The following PCTP variants were observed in gnomAD, a reference collection of about 807,000 sequenced individuals.
PCTP encodes START domain-containing protein 2.
In PCTP, 27 loss-of-function variants were observed where a neutral mutation model predicts 31.0. The ratio of observed to expected loss-of-function variants is 0.87; its 90% CI spans 0.64 to 1.20. The LOEUF (loss-of-function observed/expected upper bound fraction) is 1.20, where lower values mean the gene tolerates loss of function less well. PCTP is among the 50% of genes most tolerant of loss of function. The pLI, the probability that PCTP is intolerant of heterozygous loss-of-function variation, is 0.00. For missense variants in PCTP, 287 were observed against 268.2 expected (o/e 1.07, Z -0.49); for synonymous variants, 108 against 101.2 (o/e 1.07, Z -0.40).
chr17:55,792,801 AT>A (rs1912048354), intron 3 of PCTP, among the ~76,000 whole-genome samples: 1 of 152,056 alleles, frequency 6.6e-6, no homozygotes, highest in Admixed American at 6.6e-5. Flanking sequence ...CATTTCAAGT[AT>A]TTGTCTTAAT....
At chr17:55,798,328 A>G (rs1912253926) in intron 3 of PCTP, among the ~76,000 whole-genome samples, 1 of 152,028 alleles carries the variant, frequency 6.6e-6, no homozygotes. Context: ...AGCTTATACA[A>G]TCGTTGAAGG....
downstream of PCTP, among the ~76,000 whole-genome samples, chr17:55,778,625 G>GGGGGCA (rs1300650520): frequency 6.6e-6 from 1 of 151,966 alleles, no homozygotes; most frequent in Non-Finnish European, 1.5e-5. Flanking sequence ...CGGGGTGGGC[G>GGGGGCA]GTTTCTAGAT....
At chr17:55,835,764 G>A (rs1485291881) in intron 5 of PCTP, among the ~76,000 whole-genome samples, 3 of 152,186 alleles carry the variant, frequency 2.0e-5, no homozygotes, top group Admixed American at 2.0e-4. Context: ...TGAAGTGCCA[G>A]GCTGAGGTCT....
chr17:55,766,300 G>A (rs930383593), intron 1 of PCTP, among the ~76,000 whole-genome samples: 2 of 148,832 alleles, frequency 1.3e-5, no homozygotes, highest in Non-Finnish European at 3.0e-5. Flanking sequence ...TAGGGTACAT[G>A]TGCACAATGT....
chr17:55,758,007 T>C (rs1457756180), intron 1 of PCTP, among the ~76,000 whole-genome samples: 1 of 152,188 alleles, frequency 6.6e-6, no homozygotes, highest in Non-Finnish European at 1.5e-5. Context: ...AGAAGGGCCA[T>C]GGGTCACTTA....
At chr17:55,833,327 C>A (rs1454056008) in intron 5 of PCTP, among the ~76,000 whole-genome samples, 4 of 152,130 alleles carry the variant, frequency 2.6e-5, no homozygotes, top group African/African-American at 9.7e-5. Flanking sequence ...CAAGTAACCT[C>A]CAAAATTTAT....
intron 3 of PCTP, among the ~76,000 whole-genome samples, chr17:55,791,530 A>G (rs1407222019): frequency 4.7e-5 from 7 of 148,610 alleles, no homozygotes; most frequent in African/African-American, 1.7e-4. Flanking sequence ...GAAGACATTT[A>G]TGCAGCCAAA....
intron 1 of PCTP, among the ~76,000 whole-genome samples, chr17:55,760,078 A>G (rs1277691358): frequency 1.3e-5 from 2 of 152,216 alleles, no homozygotes; most frequent in African/African-American, 4.8e-5. Flanking sequence ...GCACGATAGC[A>G]TCTCAAAAAT....
intron 3 of PCTP, among the ~76,000 whole-genome samples, chr17:55,792,102 G>C: frequency 7.1e-6 from 1 of 140,560 alleles, no homozygotes; most frequent in Non-Finnish European, 1.5e-5. Flanking sequence ...TGGGAATTGA[G>C]CAATGAGAAC....
chr17:55,770,316 G>A (rs1044669398), intron 2 of PCTP: 15 of 152,212 alleles, frequency 9.9e-5, no homozygotes, highest in African/African-American at 3.4e-4. Flanking sequence ...CAAGAAGGAC[G>A]TTGCTCATTC....
At chr17:55,819,915 T>C (rs1195897550) in intron 3 of PCTP, among the ~76,000 whole-genome samples, 1 of 152,084 alleles carries the variant, frequency 6.6e-6, no homozygotes, top group Non-Finnish European at 1.5e-5. Flanking sequence ...GAAAATTCAA[T>C]GGGGGAAGAA....
Position 55,776,434 on chromosome 17 carries a change from A to C in PCTP, c.*334A>C, listed in dbSNP as rs1031622707. 3.2e-6 allele frequency: 4 copies of C among 1,235,472 alleles called. No homozygotes were observed. Among genetic ancestry groups the C allele is most frequent in the Non-Finnish European group, 1.0e-6 (1 of 990,392 alleles). 76.5% of individuals were successfully genotyped at this position (1,235,472 alleles called of 1,614,324 possible). ...TTAGGAGGGGAAGTCTTCAGTAGGG[A>C]ACACGATCATTCCATTGTGCAATTT... is the stretch of plus-strand genomic sequence containing the variant. On this transcript the variant is annotated 3_prime_UTR_variant, in exon 6 of 6. Coordinates refer to ENST00000268896, the MANE Select transcript of PCTP (RefSeq NM_021213.4).
At chr17:55,801,114 C>T (rs1912362588) in intron 3 of PCTP, among the ~76,000 whole-genome samples, 1 of 151,990 alleles carries the variant, frequency 6.6e-6, no homozygotes, top group African/African-American at 2.4e-5. Flanking sequence ...CAGGGACCTA[C>T]TTGATGCATT....
the PCTP span, among the ~76,000 whole-genome samples, chr17:55,848,581 C>T: frequency 0.18 from 27,081 of 152,138 alleles, 2,808 homozygotes; most frequent in East Asian, 0.38. Context: ...ACCCCCTCCA[C>T]AATTTTGCTG....
intron 3 of PCTP, among the ~76,000 whole-genome samples, chr17:55,806,368 G>A (rs80171567): frequency 0.015 from 2,213 of 152,228 alleles, 50 homozygotes; most frequent in African/African-American, 0.051. Context: ...GTACCATTAC[G>A]TTGGTGGCTT....
chr17:55,775,883 C>A (rs1355841943), intron 5 of PCTP, 152 bp from the exon 6 acceptor site: 6 of 1,392,718 alleles, frequency 4.3e-6, no homozygotes. Context: ...TTTTTGTCAT[C>A]ATCTGCAACA....
At chr17:55,772,578 C>CAA (rs35394658) in intron 3 of PCTP, among the ~76,000 whole-genome samples, 45 of 78,562 alleles carry the variant, frequency 5.7e-4, no homozygotes, top group African/African-American at 1.7e-3. Context: ...GACTCTGTCT[C>CAA]AAAAAAAAAA....
Position 55,818,690 on chromosome 17 carries a change from C to T in PCTP, c.318-4071C>T, listed in dbSNP as rs556783159. Among the ~76,000 whole-genome samples, 34 of 152,206 alleles carry T rather than the reference C, an allele frequency of 2.2e-4. No individual in the cohort carries two copies. In the South Asian group the frequency reaches 5.8e-3, roughly 26 times the overall value. ...GAAATTCTTCTGTCTGGAAAATAGC[C>T]TTTAGCTTTCCAAACACCAGTAGCT... On this transcript the variant is annotated intron_variant, in intron 3 of 3. Transcript: ENST00000572536.
chr17:55,769,858 GAAGGAAAA>G (rs1910883561), intron 2 of PCTP: 1 of 152,200 alleles, frequency 6.6e-6, no homozygotes, highest in African/African-American at 2.4e-5. Flanking sequence ...GTGATGCCCT[GAAGGAAAA>G]TTGAGATGCT....
Sources: gnomAD v4.1 joint callset for allele counts (sites outside exome capture counted in the v4.1 genomes callset) on GRCh38, gnomAD v4.1.1 for gene constraint, MANE v1.5 for transcripts, NCBI Gene and HGNC (gene_info 2026-07-23, HGNC 2026-07-21) for gene names.